The following TMEM230 variants were observed in gnomAD, a reference collection of about 807,000 sequenced individuals.
The protein encoded by TMEM230 is UPF0414 transmembrane protein C20orf30.
A neutral mutation model predicts 15.8 loss-of-function variants in TMEM230; 10 were observed. The ratio of observed to expected loss-of-function variants is 0.63; its 90% CI spans 0.39 to 1.07. TMEM230 has a LOEUF of 1.07. TMEM230 is among the 50% of genes least tolerant of loss of function. TMEM230 has a pLI of 0.01. For missense variants in TMEM230, 165 were observed against 193.3 expected (o/e 0.85, Z 0.87); for synonymous variants, 67 against 76.9 (o/e 0.87, Z 0.68).
At chr20:5,078,561 G>A (rs758526840) in intron 3 of TMEM230, among the ~76,000 whole-genome samples, 17 of 152,112 alleles carry the variant, frequency 1.1e-4, no homozygotes, top group Non-Finnish European at 1.5e-4. Flanking sequence ...CTTCACTCTC[G>A]CACTTTGTGT....
chr20:5,097,536 G>C (rs2122693414), downstream of TMEM230, among the ~76,000 whole-genome samples: 1 of 152,272 alleles, frequency 6.6e-6, no homozygotes, highest in South Asian at 2.1e-4. Flanking sequence ...TACTTCTACT[G>C]TCCATACCCA....
chr20:5,080,152 G>A (rs1035385852), intron 3 of TMEM230, among the ~76,000 whole-genome samples: 1 of 152,112 alleles, frequency 6.6e-6, no homozygotes, highest in South Asian at 2.1e-4. Context: ...TCTCAATTTT[G>A]ATATTATTTG....
At chr20:5,080,068 T>C (rs2089135727) in intron 3 of TMEM230, among the ~76,000 whole-genome samples, 1 of 152,264 alleles carries the variant, frequency 6.6e-6, no homozygotes, top group Non-Finnish European at 1.5e-5. Flanking sequence ...TAATTTGATC[T>C]TCAAGTATTT....
At chr20:5,087,808 G>A (rs867435674) in intron 3 of TMEM230, among the ~76,000 whole-genome samples, 12 of 147,180 alleles carry the variant, frequency 8.2e-5, no homozygotes, top group Admixed American at 3.4e-4. Flanking sequence ...ATGAGAAGAG[G>A]CATTCGGTGG....
chr20:5,070,629 C>T (rs1259507591), intron 3 of TMEM230, among the ~76,000 whole-genome samples: 1 of 152,212 alleles, frequency 6.6e-6, no homozygotes, highest in Non-Finnish European at 1.5e-5. Flanking sequence ...GGCCTCCTTT[C>T]ACCACAATGG....
rs2090074078 is a variant in TMEM230, at chr20:5,106,099, A to G, written c.411+89T>C. On this transcript the variant is annotated intron_variant, in intron 4 of 4. Coordinates refer to ENST00000342308, the MANE Select transcript of TMEM230 (RefSeq NM_001009923.2). Reference sequence around the variant, plus strand: ...GACAAACACACACACACACACACACACACACACACACACACACACACGCAC... The same window carrying G: ...GACAAACACACACACACACACACACGCACACACACACACACACACACGCAC... The G allele has an allele frequency of 5.3e-6, 8 of 1,496,648 alleles. No individual in the cohort carries two copies. In the South Asian group the frequency reaches 9.1e-5, roughly 17 times the overall value. The allele number at this position is 1,496,648 out of a possible 1,614,324, so 92.7% of individuals were successfully genotyped here.
the TMEM230 span, among the ~76,000 whole-genome samples, chr20:5,062,320 G>C: frequency 6.6e-6 from 1 of 150,542 alleles, no homozygotes; most frequent in East Asian, 1.9e-4. Flanking sequence ...AGAATTACTT[G>C]AGCCCAGGAG....
At chr20:5,108,804 T>C (rs2090195387) in intron 3 of TMEM230, among the ~76,000 whole-genome samples, 1 of 152,228 alleles carries the variant, frequency 6.6e-6, no homozygotes, top group Admixed American at 6.5e-5. Flanking sequence ...ACAAACTTAA[T>C]AAATACTGTG....
At chr20:5,062,283 C>T in the TMEM230 span, among the ~76,000 whole-genome samples, 1 of 151,516 alleles carries the variant, frequency 6.6e-6, no homozygotes, top group African/African-American at 2.4e-5. Context: ...CACCTGTAAT[C>T]CCAGCACACT....
chr20:5,071,999 C>T (rs184904630), intron 3 of TMEM230, among the ~76,000 whole-genome samples: 1 of 152,192 alleles, frequency 6.6e-6, no homozygotes, highest in South Asian at 2.1e-4. Flanking sequence ...GATCCACCTG[C>T]CTCAGCCTCC....
chr20:5,109,195 G>A (rs2090212418), intron 3 of TMEM230, 137 bp downstream of exon 2: 1 of 633,688 alleles, frequency 1.6e-6, no homozygotes, highest in Admixed American at 3.0e-5. Flanking sequence ...GGCTGAAAGG[G>A]TCTCAGAGCT....
chr20:5,067,409 TCATA>T (rs1156657250), downstream of TMEM230: 197 of 73,778 alleles, frequency 2.7e-3, 3 homozygotes, highest in African/African-American at 8.9e-3. Flanking sequence ...GTGTTTAGGC[TCATA>T]TATATATATA....
At chr20:5,088,999 G>A (rs1333187363) in intron 3 of TMEM230, among the ~76,000 whole-genome samples, 3 of 152,222 alleles carry the variant, frequency 2.0e-5, no homozygotes. Context: ...ATAATATACT[G>A]AGATAAAAAT....
At chr20:5,102,127 T>A in intron 4 of TMEM230, among the ~76,000 whole-genome samples, 1 of 152,080 alleles carries the variant, frequency 6.6e-6, no homozygotes, top group African/African-American at 2.4e-5. Flanking sequence ...TGCCACCACC[T>A]CCCCTATAGG....
downstream of TMEM230, among the ~76,000 whole-genome samples, chr20:5,065,674 C>G (rs868334688): frequency 6.6e-6 from 1 of 152,274 alleles, no homozygotes; most frequent in East Asian, 1.9e-4. Flanking sequence ...CTGAGATAAC[C>G]GGGTTAAGGC....
At chr20:5,097,855 C>T (rs2089708567), downstream of TMEM230, among the ~76,000 whole-genome samples, 2 of 107,610 alleles carry the variant, frequency 1.9e-5, no homozygotes, top group South Asian at 4.8e-4. Context: ...AAGTGATCCA[C>T]CCACCTCGGC....
downstream of TMEM230, among the ~76,000 whole-genome samples, chr20:5,067,584 C>A (rs1348319629): frequency 1.3e-5 from 2 of 150,598 alleles, no homozygotes; most frequent in East Asian, 3.9e-4. Flanking sequence ...GCTGGGACTA[C>A]AAGTGCGTGC....
rs11477792 is a variant in TMEM230 at position 5,077,831 on chromosome 20, T to TA, written c.223-8483dup. On this transcript the variant is annotated intron_variant, in intron 3 of 3. Coordinates refer to the TMEM230 transcript ENST00000612323. ...CCTGGGCAAGAGAGCAAGACTCAACTAAAAAAAAAAAAATCTGTGCCCTTG... is the reference window on the plus strand; with the variant it reads ...CCTGGGCAAGAGAGCAAGACTCAACTAAAAAAAAAAAAAATCTGTGCCCTTG... Among the ~76,000 whole-genome samples, 144 of 143,222 alleles carry TA rather than the reference T, an allele frequency of 1.0e-3. 2 individuals carry two copies. Among genetic ancestry groups the TA allele is most frequent in the South Asian group, 7.7e-3 (35 of 4,550 alleles). 94.0% of individuals were successfully genotyped at this position (143,222 alleles called of 152,430 possible). A position where few individuals can be genotyped will look rare whatever the true frequency, so the allele number is the denominator to read the frequency against.
At chr20:5,093,460 T>C (rs1214123112) in intron 3 of TMEM230, among the ~76,000 whole-genome samples, 1 of 152,054 alleles carries the variant, frequency 6.6e-6, no homozygotes, top group African/African-American at 2.4e-5. Flanking sequence ...AGGCTGGTCT[T>C]GAACTCCTGG....
Sources: gnomAD v4.1 joint callset for allele counts (sites outside exome capture counted in the v4.1 genomes callset) on GRCh38, gnomAD v4.1.1 for gene constraint, MANE v1.5 for transcripts, NCBI Gene and HGNC (gene_info 2026-07-23, HGNC 2026-07-21) for gene names.